MLLT3: variants seen among roughly 807,000 people sequenced by gnomAD.
MLLT3 encodes MLLT3 super elongation complex subunit.
Under a neutral mutation model 53.2 loss-of-function variants are expected in MLLT3, and 4 were observed. The observed-to-expected ratio is 0.08, with a 90% CI of 0.04 to 0.17. MLLT3 has a LOEUF of 0.17. Among genes scored for constraint, MLLT3 ranks in the 10% least tolerant of loss-of-function variants. MLLT3 has a pLI of 1.00. For missense variants in MLLT3, 569 were observed against 684.0 expected, an observed-to-expected ratio of 0.83 and a Z score of 1.87; for synonymous variants, 283 against 230.6, an observed-to-expected ratio of 1.23 and a Z score of -2.06.
At position 20,572,055 on chromosome 9, in the gene MLLT3, G is replaced by T. The variant is rs1351636691; in HGVS notation, c.193+48599C>A. ...TATCCAAAGGAAATGAAATCAGTATGTCAAAGAGACACATGGATGAACCTA... is the reference window on the plus strand; with the variant it reads ...TATCCAAAGGAAATGAAATCAGTATTTCAAAGAGACACATGGATGAACCTA... On this transcript the variant is annotated intron_variant, in intron 2 of 10. Coordinates refer to ENST00000380338, the MANE Select transcript of MLLT3 (RefSeq NM_004529.4). Among the ~76,000 whole-genome samples the T allele has an allele frequency of 3.3e-5, 5 of 152,198 alleles. No individual in the cohort carries two copies. In the South Asian group the frequency reaches 8.3e-4, roughly 25 times the overall value.
intron 5 of MLLT3, among the ~76,000 whole-genome samples, chr9:20,400,808 T>C (rs1159637826): frequency 6.6e-6 from 1 of 152,172 alleles, no homozygotes; most frequent in African/African-American, 2.4e-5. Flanking sequence ...AACTATGGAA[T>C]GTTTCATTAA....
intron 5 of MLLT3, among the ~76,000 whole-genome samples, chr9:20,383,128 T>G (rs180821697): frequency 6.8e-4 from 104 of 151,994 alleles, no homozygotes; most frequent in Admixed American, 3.0e-3. Flanking sequence ...CACTGTTTGC[T>G]GGCAGCTATT....
chr9:20,447,375 G>A (rs147745446), intron 4 of MLLT3, among the ~76,000 whole-genome samples: 519 of 152,322 alleles, frequency 3.4e-3, no homozygotes, highest in African/African-American at 0.012. Context: ...GATGGGGTGT[G>A]AAGTGCCCAC....
intron 5 of MLLT3, among the ~76,000 whole-genome samples, chr9:20,406,532 C>A (rs1368094960): frequency 6.6e-6 from 1 of 152,106 alleles, no homozygotes; most frequent in Non-Finnish European, 1.5e-5. Context: ...AGGAGTGTCA[C>A]ATAATAAAGC....
rs1821013707 is a variant in MLLT3, at chr9:20,621,658, G to A, written c.12+587C>T. 2.8e-6 allele frequency: 3 copies of A among 1,063,506 alleles called. No homozygotes were observed. The highest frequency in any genetic ancestry group is 3.9e-6 in the Non-Finnish European group (3 of 776,836). 65.9% of individuals were successfully genotyped at this position (1,063,506 alleles called of 1,614,324 possible). A position where few individuals can be genotyped will look rare whatever the true frequency, so the allele number is the denominator to read the frequency against. ...AAGGCAGGGCGGCGGGCGGACAGCCGCCGAGCCTCGGCTCGCGCTCAGCAC... is the reference window on the plus strand; with the variant it reads ...AAGGCAGGGCGGCGGGCGGACAGCCACCGAGCCTCGGCTCGCGCTCAGCAC... On this transcript the variant is annotated intron_variant, in intron 1 of 10. Coordinates refer to ENST00000380338, the MANE Select transcript of MLLT3 (RefSeq NM_004529.4). This position sits in a 1 kb window ranked among gnomAD's most constrained non-coding sequence, Gnocchi z 7.0.
chr9:20,468,049 T>C (rs1563977368), intron 2 of MLLT3, among the ~76,000 whole-genome samples: 1 of 152,192 alleles, frequency 6.6e-6, no homozygotes. Context: ...TTGGACATAT[T>C]ATGTTCAGTT....
At position 20,504,454 on chromosome 9, in the gene MLLT3, G is replaced by A. The variant is rs540764714; in HGVS notation, c.194-47668C>T. 2.0e-5 allele frequency among the ~76,000 whole-genome samples: 3 copies of A among 152,052 alleles called. 1 individual carries two copies. The South Asian group carries it at 6.2e-4, about 32-fold the overall frequency. On this transcript the variant is annotated intron_variant, in intron 2 of 10. Transcript: ENST00000380338. The stretch of plus-strand genomic sequence containing the variant: ...TCCTGTCATTTTCAACAACATGAAT[G>A]AACCTGGAAGACATTATGTTAAGAG...
At chr9:20,543,718 A>T (rs557927941) in intron 2 of MLLT3, among the ~76,000 whole-genome samples, 1 of 151,572 alleles carries the variant, frequency 6.6e-6, no homozygotes, top group Admixed American at 6.6e-5. Flanking sequence ...AGGAGGACGG[A>T]GGAGGAAGGA....
chr9:20,618,916 C>T (rs1296448659), intron 2 of MLLT3, among the ~76,000 whole-genome samples: 1 of 152,106 alleles, frequency 6.6e-6, no homozygotes. Context: ...ACATCTTCTG[C>T]CAACTGAGTT....
At chr9:20,372,858 C>A (rs1050017506) in intron 5 of MLLT3, among the ~76,000 whole-genome samples, 1 of 152,012 alleles carries the variant, frequency 6.6e-6, no homozygotes, top group Non-Finnish European at 1.5e-5. Context: ...TTTCTGGCAA[C>A]AAGGTATATT....
intron 2 of MLLT3, among the ~76,000 whole-genome samples, chr9:20,591,015 G>T (rs1433769417): frequency 2.0e-5 from 3 of 151,988 alleles, no homozygotes; most frequent in Non-Finnish European, 2.9e-5. Flanking sequence ...CTCCCAAAGT[G>T]CTGGGATTAA....
intron 2 of MLLT3, among the ~76,000 whole-genome samples, chr9:20,479,694 C>G (rs1824615406): frequency 6.6e-6 from 1 of 152,150 alleles, no homozygotes; most frequent in Non-Finnish European, 1.5e-5. Context: ...CCTAGCTTTC[C>G]TTCCTGGGAT....
At chr9:20,554,465 A>G (rs149434397) in intron 2 of MLLT3, among the ~76,000 whole-genome samples, 1 of 152,352 alleles carries the variant, frequency 6.6e-6, no homozygotes, top group Admixed American at 6.5e-5. Flanking sequence ...CTGAACACCA[A>G]AAATGGATGA....
At chr9:20,513,307 C>T (rs911698614) in intron 2 of MLLT3, among the ~76,000 whole-genome samples, 17 of 152,100 alleles carry the variant, frequency 1.1e-4, no homozygotes, top group African/African-American at 4.1e-4. Context: ...AGAGCTCTGA[C>T]TAAGAGGAAA....
intron 2 of MLLT3, among the ~76,000 whole-genome samples, chr9:20,496,944 C>T (rs557608576): frequency 1.3e-5 from 2 of 152,216 alleles, no homozygotes; most frequent in African/African-American, 4.8e-5. Context: ...CACTGATCCT[C>T]CAACTTCCCT....
intron 2 of MLLT3, among the ~76,000 whole-genome samples, chr9:20,599,101 C>G (rs191102496): frequency 4.6e-5 from 7 of 152,142 alleles, no homozygotes; most frequent in Admixed American, 2.6e-4. Flanking sequence ...GTCAAGAGAT[C>G]GAGACCATGC....
intron 6 of MLLT3, 76 bp from the exon 7 acceptor site, chr9:20,363,681 G>A (rs1270207882): frequency 1.4e-6 from 2 of 1,447,594 alleles, no homozygotes. Context: ...ACAGGGGGAT[G>A]CTTACCAGCA....
intron 3 of MLLT3, among the ~76,000 whole-genome samples, chr9:20,451,402 G>C (rs1340321958): frequency 1.3e-5 from 2 of 151,978 alleles, no homozygotes; most frequent in African/African-American, 4.8e-5. Flanking sequence ...AAAAGAATGA[G>C]GTAATATCAA....
rs904143052 is a variant in MLLT3 at position 20,621,253 on chromosome 9, G to A, written c.13-419C>T. The stretch of plus-strand genomic sequence containing the variant: ...CCAGGGGGACCGAAGGGCTCCTGGC[G>A]AGCCCCCTCCCCGAAAGTACCGCGG... On this transcript the variant is annotated intron_variant, in intron 1 of 10. Coordinates refer to ENST00000380338, the MANE Select transcript of MLLT3 (RefSeq NM_004529.4). This position sits in a 1 kb window ranked among gnomAD's most constrained non-coding sequence, Gnocchi z 7.0. Among the ~76,000 whole-genome samples, 1 of 152,190 alleles carries A rather than the reference G, an allele frequency of 6.6e-6. No homozygotes were observed. The highest frequency in any genetic ancestry group is 1.5e-5 in the Non-Finnish European group (1 of 68,034).
Sources: gnomAD v4.1 joint callset for allele counts (sites outside exome capture counted in the v4.1 genomes callset) on GRCh38, gnomAD v4.1.1 for gene constraint, Gnocchi (gnomAD v3.1) non-coding constraint, MANE v1.5 for transcripts, NCBI Gene and HGNC (gene_info 2026-07-23, HGNC 2026-07-21) for gene names.